SORCS3: variants seen among roughly 807,000 people sequenced by gnomAD.
The protein encoded by SORCS3 is sortilin related VPS10 domain containing receptor 3.
In SORCS3, 57 loss-of-function variants were observed where a neutral mutation model predicts 146.3. The observed-to-expected ratio is 0.39, with a 90% CI of 0.31 to 0.49. SORCS3 has a LOEUF of 0.49. Among genes scored for constraint, SORCS3 ranks in the 20% least tolerant of loss-of-function variants. SORCS3 has a pLI of 0.92. For synonymous variants in SORCS3, 653 were observed against 618.5 expected, an observed-to-expected ratio of 1.06 and a Z score of -0.83; for missense variants, 1,341 against 1,575.5, an observed-to-expected ratio of 0.85 and a Z score of 2.52.
At chr10:104,736,990 C>T (rs2016781875) in intron 1 of SORCS3, among the ~76,000 whole-genome samples, 1 of 151,360 alleles carries the variant, frequency 6.6e-6, no homozygotes, top group African/African-American at 2.4e-5. Context: ...TCCATGTGTT[C>T]TCATTGTTCA....
chr10:104,835,973 C>T (rs1236408200), intron 1 of SORCS3, among the ~76,000 whole-genome samples: 1 of 152,166 alleles, frequency 6.6e-6, no homozygotes, highest in Non-Finnish European at 1.5e-5. Flanking sequence ...CGCAAACATA[C>T]CTGAGTTGTT....
At position 104,946,694 on chromosome 10, in the gene SORCS3, G is replaced by T. The variant is rs564624065; in HGVS notation, c.796-30641G>T. On this transcript the variant is annotated intron_variant, in intron 3 of 26. Coordinates refer to ENST00000369701, the MANE Select transcript of SORCS3 (RefSeq NM_014978.3). ...TTCCATGTCTCAGAGTCTCATTTCTGTGCCTCTCCCCACCTCCCTGTGGGT... is the reference window on the plus strand; with the variant it reads ...TTCCATGTCTCAGAGTCTCATTTCTTTGCCTCTCCCCACCTCCCTGTGGGT... Among the ~76,000 whole-genome samples the T allele has an allele frequency of 8.5e-5, 13 of 152,180 alleles. No homozygotes were observed. The South Asian group carries it at 2.7e-3, about 32-fold the overall frequency.
At chr10:104,905,031 GC>G (rs1209166156) in intron 2 of SORCS3, among the ~76,000 whole-genome samples, 1 of 152,076 alleles carries the variant, frequency 6.6e-6, no homozygotes, top group Non-Finnish European at 1.5e-5. Context: ...CTAGCTAATT[GC>G]TTTTTCCTGC....
chr10:105,206,300 A>T (rs1422690748), intron 16 of SORCS3, among the ~76,000 whole-genome samples: 1 of 152,206 alleles, frequency 6.6e-6, no homozygotes. Flanking sequence ...TCATAGTTAC[A>T]TGTGGTTATT....
At chr10:105,240,729 G>C (rs916961995) in intron 20 of SORCS3, among the ~76,000 whole-genome samples, 1 of 151,820 alleles carries the variant, frequency 6.6e-6, no homozygotes, top group Non-Finnish European at 1.5e-5. Flanking sequence ...CTGAGTTTTG[G>C]AAAAGACATT....
intron 1 of SORCS3, among the ~76,000 whole-genome samples, chr10:104,683,499 A>C (rs1192274472): frequency 6.6e-6 from 1 of 152,206 alleles, no homozygotes; most frequent in East Asian, 1.9e-4. Flanking sequence ...TGCCCTCAGC[A>C]TGAAGCCTTG....
chr10:105,241,964 G>GA (rs1293998760), intron 20 of SORCS3, among the ~76,000 whole-genome samples: 2 of 152,026 alleles, frequency 1.3e-5, no homozygotes, highest in African/African-American at 4.8e-5. Context: ...CAAACAGGGA[G>GA]AAAAGTTTTC....
intron 1 of SORCS3, among the ~76,000 whole-genome samples, chr10:104,691,483 G>A (rs1243858323): frequency 2.6e-5 from 4 of 152,160 alleles, no homozygotes; most frequent in Admixed American, 6.5e-5. Context: ...GGATTCATTC[G>A]CCCAATGTGG....
At chr10:104,768,162 G>A (rs920854839) in intron 1 of SORCS3, among the ~76,000 whole-genome samples, 2 of 152,212 alleles carry the variant, frequency 1.3e-5, no homozygotes, top group Non-Finnish European at 2.9e-5. Context: ...CTTGTTTAAA[G>A]TACAGCTTCT....
At chr10:105,254,918 G>A (rs938158803) in intron 23 of SORCS3, among the ~76,000 whole-genome samples, 20 of 152,228 alleles carry the variant, frequency 1.3e-4, no homozygotes, top group Non-Finnish European at 2.5e-4. Context: ...GCCAGGCGCG[G>A]TGGCTCACGC....
chr10:105,043,743 G>GC (rs2055352287), intron 5 of SORCS3, among the ~76,000 whole-genome samples: 1 of 151,812 alleles, frequency 6.6e-6, no homozygotes, highest in Non-Finnish European at 1.5e-5. Context: ...CTTTTCTCAT[G>GC]TCACATGTGA....
chr10:105,104,693 A>C (rs1273220786), intron 6 of SORCS3, among the ~76,000 whole-genome samples: 1 of 152,234 alleles, frequency 6.6e-6, no homozygotes, highest in African/African-American at 2.4e-5. Context: ...GCCTAAAAGT[A>C]ATCATAGCTA....
chr10:104,912,417 C>T (rs1429593192), intron 2 of SORCS3, among the ~76,000 whole-genome samples: 1 of 152,162 alleles, frequency 6.6e-6, no homozygotes, highest in Non-Finnish European at 1.5e-5. Context: ...AGGATAGTTG[C>T]TCAGGGTGAT....
rs550930485 is a variant in SORCS3 at position 105,048,017 on chromosome 10, G to T, written c.1028+4889G>T. Among the ~76,000 whole-genome samples the T allele has an allele frequency of 9.6e-4, 146 of 152,156 alleles. 1 individual carries two copies. The highest frequency in any genetic ancestry group is 2.6e-3 in the Admixed American group (40 of 15,264). On this transcript the variant is annotated intron_variant, in intron 5 of 26. Transcript: ENST00000369701. ...TCACACCAGTTAGAATGGCGATCAT[G>T]AAAAAGTCAGGAAACAACAGGTGCT...
intron 20 of SORCS3, among the ~76,000 whole-genome samples, chr10:105,237,125 G>T (rs1292975469): frequency 6.6e-6 from 1 of 152,122 alleles, no homozygotes; most frequent in Non-Finnish European, 1.5e-5. Context: ...AGGTCCCAAA[G>T]GTCTTACTAA....
chr10:104,723,301 C>A (rs1245503299), intron 1 of SORCS3, among the ~76,000 whole-genome samples: 3 of 152,208 alleles, frequency 2.0e-5, no homozygotes, highest in African/African-American at 7.2e-5. Context: ...GAGAGAGTTT[C>A]TTAATCCTGA....
At chr10:104,786,026 A>G (rs2017431285) in intron 1 of SORCS3, among the ~76,000 whole-genome samples, 2 of 152,208 alleles carry the variant, frequency 1.3e-5, no homozygotes, top group African/African-American at 4.8e-5. Context: ...CTGAATATCA[A>G]CATTAGGGTG....
At chr10:104,921,912 G>A (rs898457269) in intron 3 of SORCS3, among the ~76,000 whole-genome samples, 2 of 152,142 alleles carry the variant, frequency 1.3e-5, no homozygotes, top group African/African-American at 2.4e-5. Flanking sequence ...GTTTCTTGGA[G>A]GAGGAGGGGA....
At chr10:104,653,717 G>T (rs1249622592) in intron 1 of SORCS3, among the ~76,000 whole-genome samples, 1 of 152,158 alleles carries the variant, frequency 6.6e-6, no homozygotes, top group Non-Finnish European at 1.5e-5. Context: ...TACGTGAGAT[G>T]TTTTGGTACA....
Sources: allele counts gnomAD v4.1 joint callset (sites outside exome capture counted in the v4.1 genomes callset), GRCh38; gene constraint gnomAD v4.1.1; transcripts MANE v1.5; gene names NCBI Gene and HGNC (gene_info 2026-07-23, HGNC 2026-07-21).